PDE10A: variants seen among roughly 807,000 people sequenced by gnomAD.
The protein encoded by PDE10A is phosphodiesterase 10A, also known as cAMP and cAMP-inhibited cGMP 3',5'-cyclic phosphodiesterase 10A.
PDE10A carries 39 observed loss-of-function variants against 97.7 expected under a neutral mutation model. The ratio of observed to expected loss-of-function variants is 0.40; its 90% CI spans 0.31 to 0.52. The LOEUF (loss-of-function observed/expected upper bound fraction) is 0.52, where lower values mean the gene tolerates loss of function less well. Among genes scored for constraint, PDE10A ranks in the 20% least tolerant of loss-of-function variants. The pLI is 0.56. For synonymous variants in PDE10A, 371 were observed against 376.8 expected (o/e 0.98, Z 0.18); for missense variants, 731 against 1,047.8 (o/e 0.70, Z 4.17).
chr6:165,488,577 G>A (rs1020836441), intron 2 of PDE10A, among the ~76,000 whole-genome samples: 6 of 152,146 alleles, frequency 3.9e-5, no homozygotes, highest in Admixed American at 3.3e-4. Context: ...AACATCCCAG[G>A]CAAGCCTAGA....
intron 1 of PDE10A, among the ~76,000 whole-genome samples, chr6:165,587,132 T>C (rs1785959359): frequency 6.6e-6 from 1 of 152,168 alleles, no homozygotes; most frequent in African/African-American, 2.4e-5. Context: ...TGTGAGTTTC[T>C]GACGGGCAGA....
At chr6:165,751,524 G>T (rs1046719863) in intron 1 of PDE10A, among the ~76,000 whole-genome samples, 1 of 152,198 alleles carries the variant, frequency 6.6e-6, no homozygotes, top group African/African-American at 2.4e-5. Flanking sequence ...CTGATTGGGA[G>T]CTGCCCTGTA....
In PDE10A at chr6:165,451,075, C is replaced by A. The variant is rs137894109; in HGVS notation, c.1024-713G>T. On this transcript the variant is annotated intron_variant, in intron 3 of 21. Coordinates refer to ENST00000539869, the MANE Select transcript of PDE10A (RefSeq NM_001385079.1). ...GTCGCTGCACTGGGTGAAACAAGTG[C>A]CCTCTGTGCCACTCTAACTTTCCAT... Among the ~76,000 whole-genome samples the A allele has an allele frequency of 3.0e-3, 451 of 152,202 alleles. 4 individuals are homozygous for A. The highest frequency in any genetic ancestry group is 0.011 in the African/African-American group (438 of 41,522).
rs140241767 is a variant in PDE10A, at chr6:165,840,499, C to A, written c.-615+147030G>T. Among the ~76,000 whole-genome samples, 240 of 152,294 alleles carry A rather than the reference C, an allele frequency of 1.6e-3. 2 individuals carry two copies. Among genetic ancestry groups the A allele is most frequent in the African/African-American group, 5.6e-3 (233 of 41,560 alleles). ...CCATATAAGAAAAAGCAGATGTCCC[C>A]TTAAGAACAGCAGTTGCACATGACT... is the stretch of plus-strand genomic sequence containing the variant. On this transcript the variant is annotated intron_variant, in intron 1 of 19. Coordinates refer to the PDE10A transcript ENST00000366882.
chr6:165,508,750 A>G (rs951538827), intron 2 of PDE10A, among the ~76,000 whole-genome samples: 1 of 151,988 alleles, frequency 6.6e-6, no homozygotes, highest in Non-Finnish European at 1.5e-5. Context: ...GTGATACCTC[A>G]CTGCATTTTG....
intron 1 of PDE10A, among the ~76,000 whole-genome samples, chr6:165,872,321 T>C (rs1781225078): frequency 1.3e-5 from 2 of 152,208 alleles, no homozygotes; most frequent in African/African-American, 4.8e-5. Context: ...TTTATTAACC[T>C]TGTAGCAAGG....
chr6:165,538,123 G>A (rs1783206269), intron 2 of PDE10A, among the ~76,000 whole-genome samples: 1 of 151,766 alleles, frequency 6.6e-6, no homozygotes, highest in Non-Finnish European at 1.5e-5. Flanking sequence ...TAGGTTTAGG[G>A]GGCATAATTT....
At chr6:165,656,972 G>A (rs1424657339) in intron 1 of PDE10A, among the ~76,000 whole-genome samples, 1 of 152,236 alleles carries the variant, frequency 6.6e-6, no homozygotes, top group Non-Finnish European at 1.5e-5. Context: ...CTTTCAAAGA[G>A]TGCTCATCGA....
intron 1 of PDE10A, among the ~76,000 whole-genome samples, chr6:165,912,248 C>T (rs1026973019): frequency 2.0e-5 from 3 of 152,068 alleles, no homozygotes; most frequent in Non-Finnish European, 4.4e-5. Flanking sequence ...TATATGTATA[C>T]ATACATACAT....
intron 1 of PDE10A, among the ~76,000 whole-genome samples, chr6:165,609,104 T>C (rs1472997229): frequency 6.6e-6 from 1 of 152,050 alleles, no homozygotes; most frequent in African/African-American, 2.4e-5. Flanking sequence ...CAGAAGCTCT[T>C]TAGTTTAATT....
At chr6:165,860,336 C>A (rs1780865453) in intron 1 of PDE10A, among the ~76,000 whole-genome samples, 1 of 152,096 alleles carries the variant, frequency 6.6e-6, no homozygotes, top group African/African-American at 2.4e-5. Context: ...GCCTGTAATC[C>A]CAGCTACTCG....
chr6:165,480,388 C>T (rs1327119859), intron 3 of PDE10A, among the ~76,000 whole-genome samples: 2 of 151,898 alleles, frequency 1.3e-5, no homozygotes, highest in East Asian at 1.9e-4. Context: ...AGGAGTTCAA[C>T]ACTAGCTTGG....
At chr6:165,675,424 A>G (rs1006253113) in intron 1 of PDE10A, among the ~76,000 whole-genome samples, 1 of 152,228 alleles carries the variant, frequency 6.6e-6, no homozygotes, top group Non-Finnish European at 1.5e-5. Flanking sequence ...TTCTCTAAGT[A>G]TATTCTTGGT....
chr6:165,537,909 T>A (rs1224341008), intron 2 of PDE10A, among the ~76,000 whole-genome samples: 1 of 151,950 alleles, frequency 6.6e-6, no homozygotes, highest in Non-Finnish European at 1.5e-5. Context: ...TGTTTTTTTC[T>A]TATCATGAAA....
At chr6:165,656,782 CAGTCAG>C (rs1789991768) in intron 1 of PDE10A, among the ~76,000 whole-genome samples, 2 of 152,298 alleles carry the variant, frequency 1.3e-5, no homozygotes, top group African/African-American at 4.8e-5. Flanking sequence ...CAGGACCTCC[CAGTCAG>C]AGGCCGTCTG....
intron 1 of PDE10A, among the ~76,000 whole-genome samples, chr6:165,682,015 G>A (rs536469367): frequency 2.6e-5 from 4 of 152,318 alleles, no homozygotes; most frequent in Non-Finnish European, 4.4e-5. Flanking sequence ...TATCGTGAAC[G>A]CCCTCTAAGT....
At chr6:165,756,558 C>T (rs979568292) in intron 1 of PDE10A, among the ~76,000 whole-genome samples, 4 of 152,086 alleles carry the variant, frequency 2.6e-5, no homozygotes, top group African/African-American at 9.7e-5. Flanking sequence ...TCTTTGAGAT[C>T]TTTTCCATTC....
At chr6:165,495,408 A>G (rs1029833258) in intron 2 of PDE10A, among the ~76,000 whole-genome samples, 2 of 152,048 alleles carry the variant, frequency 1.3e-5, no homozygotes, top group Admixed American at 1.3e-4. Context: ...GAAATGAGAA[A>G]TTGAGTCTTC....
Position 165,379,340 on chromosome 6 carries a change from A to T in PDE10A, c.2637T>A (p.Thr879=), listed in dbSNP as rs765012199. ...CCTGCTCATATTCACTGGAGCTCAG[A>T]GTGGAGAAGATATTGTGCCCTTCCA... ...LQLEGHNIFS[T]LSSSEYEQVL... Residue 879 remains threonine (T), a synonymous_variant, in exon 18 of 22, where the codon ACT becomes ACA. Transcript: ENST00000539869. The T allele has an allele frequency of 6.2e-7, 1 of 1,613,282 alleles. No individual in the cohort carries two copies. Among genetic ancestry groups the T allele is most frequent in the Non-Finnish European group, 8.5e-7 (1 of 1,179,716 alleles).
Sources: gnomAD v4.1 joint callset for allele counts (sites outside exome capture counted in the v4.1 genomes callset) on GRCh38, gnomAD v4.1.1 for gene constraint, MANE v1.5 for transcripts, NCBI Gene and HGNC (gene_info 2026-07-23, HGNC 2026-07-21) for gene names.